The following MARCHF10 variants were observed in gnomAD, a reference collection of about 807,000 sequenced individuals.
MARCHF10 encodes the protein probable E3 ubiquitin-protein ligase MARCHF10.
A neutral mutation model predicts 76.2 loss-of-function variants in MARCHF10; 64 were observed. That is an observed-to-expected ratio of 0.84 (90% CI 0.69 to 1.03). The LOEUF is 1.03. MARCHF10 is among the 50% of genes least tolerant of loss of function. The probability of loss-of-function intolerance (pLI) is 0.00; values close to 1 mark genes in which losing one functional copy is unlikely to be tolerated. For synonymous variants in MARCHF10, 340 were observed against 357.5 expected (o/e 0.95, Z 0.55); for missense variants, 875 against 958.0 (o/e 0.91, Z 1.14).
chr17:62,735,917 T>C lies in MARCHF10; in HGVS notation c.1937+14A>G. 6.3e-7 allele frequency: 1 copy of C among 1,581,138 alleles called. No individual in the cohort carries two copies. The highest frequency in any genetic ancestry group is 2.2e-5 in the East Asian group (1 of 44,638). On this transcript the variant is annotated intron_variant, in intron 6 of 10. Transcript: ENST00000311269. ...GGAAAGTGGAAAAAATATATAATTATGAAAAGTCCTCACCTTTCTTGCAAT... is the reference window on the plus strand; with the variant it reads ...GGAAAGTGGAAAAAATATATAATTACGAAAAGTCCTCACCTTTCTTGCAAT...
chr17:62,771,574 ATT>A (rs1207861655), intron 3 of MARCHF10, among the ~76,000 whole-genome samples: 4 of 126,268 alleles, frequency 3.2e-5, no homozygotes, highest in Admixed American at 8.7e-5. Context: ...GTCAATATCT[ATT>A]TTTTTTTTTT....
chr17:62,765,781 A>AT (rs1362337322), intron 3 of MARCHF10, among the ~76,000 whole-genome samples: 1 of 151,998 alleles, frequency 6.6e-6, no homozygotes, highest in Non-Finnish European at 1.5e-5. Flanking sequence ...GTGACCACAC[A>AT]TTTTTCCCGC....
chr17:62,757,798 A>G (rs760519247), intron 4 of MARCHF10, among the ~76,000 whole-genome samples: 52 of 152,190 alleles, frequency 3.4e-4, no homozygotes, highest in Non-Finnish European at 1.0e-4. Context: ...GATGAAATAG[A>G]TATCTTTCTG....
At chr17:62,735,266 G>A (rs1244156527) in intron 6 of MARCHF10, 1 of 152,134 alleles carries the variant, frequency 6.6e-6, no homozygotes, top group African/African-American at 2.4e-5. Flanking sequence ...GGTGTTTAAT[G>A]ATGGCTTTAC....
chr17:62,726,054 C>T (rs1473669416), intron 6 of MARCHF10: 1 of 152,236 alleles, frequency 6.6e-6, no homozygotes, highest in Non-Finnish European at 1.5e-5. Flanking sequence ...TAAACCTGGA[C>T]ACAATCTCCC....
At chr17:62,767,271 CCAGT>C (rs60060868) in intron 3 of MARCHF10, among the ~76,000 whole-genome samples, 75,100 of 151,448 alleles carry the variant, frequency 0.5, 20,068 homozygotes, top group East Asian at 0.7. Flanking sequence ...TGCAAATTTG[CCAGT>C]CAAATAATCT....
chr17:62,788,743 AC>A, intron 2 of MARCHF10, 144 bp from the exon 3 acceptor site: 3 of 1,177,996 alleles, frequency 2.5e-6, no homozygotes, highest in Non-Finnish European at 3.6e-6. Flanking sequence ...AAGTATAAAG[AC>A]CAGGTATCAC....
intron 8 of MARCHF10, among the ~76,000 whole-genome samples, chr17:62,718,079 G>A (rs747005988): frequency 7.9e-5 from 12 of 152,166 alleles, no homozygotes; most frequent in South Asian, 2.1e-4. Context: ...GTTCTCATGC[G>A]TGGAGCCTCC....
At chr17:62,793,278 CCAT>C (rs949643011) in intron 2 of MARCHF10, among the ~76,000 whole-genome samples, 6 of 136,550 alleles carry the variant, frequency 4.4e-5, no homozygotes, top group Non-Finnish European at 8.0e-5. Flanking sequence ...ACCACCACAA[CCAT>C]CACCACCCAC....
intron 8 of MARCHF10, chr17:62,714,477 T>C (rs1036619502): frequency 2.1e-6 from 2 of 951,042 alleles, no homozygotes; most frequent in Non-Finnish European, 2.5e-6. Context: ...GTAAATTGTC[T>C]GGGCGTTAAG....
chr17:62,759,219 C>T (rs989459565), intron 4 of MARCHF10, among the ~76,000 whole-genome samples: 2 of 152,168 alleles, frequency 1.3e-5, no homozygotes, highest in Admixed American at 6.5e-5. Flanking sequence ...AAACTTGATA[C>T]CTGGGGCCAA....
rs369090555 is a variant in MARCHF10 at position 62,793,196 on chromosome 17, TCAC to T, written c.91-4600_91-4598del. 2.7e-3 allele frequency among the ~76,000 whole-genome samples: 137 copies of T among 50,114 alleles called. 1 individual carries two copies. Among genetic ancestry groups the T allele is most frequent in the African/African-American group, 8.8e-3 (93 of 10,562 alleles). 32.9% of individuals were successfully genotyped at this position (50,114 alleles called of 152,430 possible). A position where few individuals can be genotyped will look rare whatever the true frequency, so the allele number is the denominator to read the frequency against. On this transcript the variant is annotated intron_variant, in intron 2 of 10. Coordinates refer to ENST00000311269, the MANE Select transcript of MARCHF10 (RefSeq NM_152598.4). ...TCCATCACTACCACCACCACCTCCA[TCAC>T]CACCACCACCACCACCACCTCCACT...
chr17:62,757,700 A>C (rs1300435581), intron 4 of MARCHF10, among the ~76,000 whole-genome samples: 2 of 152,190 alleles, frequency 1.3e-5, no homozygotes, highest in African/African-American at 4.8e-5. Flanking sequence ...TGACGTCTGC[A>C]TGGGTCTTGG....
chr17:62,787,888 AT>A (rs2092772434), intron 3 of MARCHF10, among the ~76,000 whole-genome samples: 1 of 152,210 alleles, frequency 6.6e-6, no homozygotes, highest in African/African-American at 2.4e-5. Context: ...TAACTGCTTA[AT>A]TATTATTATC....
chr17:62,771,545 A>G (rs1217261828), intron 3 of MARCHF10, among the ~76,000 whole-genome samples: 1 of 151,546 alleles, frequency 6.6e-6, no homozygotes, highest in African/African-American at 2.4e-5. Flanking sequence ...AGGCAAATAA[A>G]ATGGACTGAG....
intron 3 of MARCHF10, among the ~76,000 whole-genome samples, chr17:62,762,935 G>T (rs1338009512): frequency 1.3e-5 from 2 of 152,190 alleles, no homozygotes; most frequent in Non-Finnish European, 2.9e-5. Flanking sequence ...GCACTAAAGT[G>T]TGGTACTTAA....
intron 9 of MARCHF10, among the ~76,000 whole-genome samples, chr17:62,709,128 T>C (rs1303591987): frequency 6.6e-6 from 1 of 152,114 alleles, no homozygotes; most frequent in Non-Finnish European, 1.5e-5. Context: ...CTGATCCTCA[T>C]CTCCGCACCT....
rs199641172 is a variant in MARCHF10 at position 62,725,028 on chromosome 17, G to A, written c.2014C>T (p.Pro672Ser). ...CQIAGGSPSN[P>S]LLEPCGCVGS... Reference sequence around the variant, plus strand: ...ACACAGCCGCAAGGCTCCAGGAGGGGGTTGCTTGGGGAACCCCCGGCTATC... The same window carrying A: ...ACACAGCCGCAAGGCTCCAGGAGGGAGTTGCTTGGGGAACCCCCGGCTATC... The change falls in exon 7 of 11, where the codon CCC (proline) becomes TCC (serine). Residue 672 changes from proline to serine, a missense_variant. Physicochemically the swap from Pro to Ser is moderately conservative, Grantham distance 74. Transcript: ENST00000311269. 17 of 1,609,986 alleles carry A rather than the reference G, an allele frequency of 1.1e-5. No homozygotes were observed. The East Asian group carries it at 3.8e-4, about 36-fold the overall frequency.
intron 5 of MARCHF10, among the ~76,000 whole-genome samples, chr17:62,742,313 C>T (rs2091544512): frequency 6.6e-6 from 1 of 152,188 alleles, no homozygotes; most frequent in African/African-American, 2.4e-5. Flanking sequence ...AGCCACCATG[C>T]CCAGCCTCCT....
Sources: allele counts gnomAD v4.1 joint callset (sites outside exome capture counted in the v4.1 genomes callset), GRCh38; gene constraint gnomAD v4.1.1; transcripts MANE v1.5; gene names NCBI Gene and HGNC (gene_info 2026-07-23, HGNC 2026-07-21).